Variants in IL11 observed in about 807,000 individuals in gnomAD.
The protein encoded by IL11 is interleukin-11.
Under a neutral mutation model 18.1 loss-of-function variants are expected in IL11, and 17 were observed. The ratio of observed to expected loss-of-function variants is 0.94; its 90% CI spans 0.64 to 1.41. The LOEUF (loss-of-function observed/expected upper bound fraction) is 1.41, where lower values mean the gene tolerates loss of function less well. Among genes scored for constraint, IL11 ranks in the 40% most tolerant of loss-of-function variants. The pLI is 0.00. For synonymous variants in IL11, 144 were observed against 134.1 expected, an observed-to-expected ratio of 1.07 and a Z score of -0.51; for missense variants, 309 against 262.8, an observed-to-expected ratio of 1.18 and a Z score of -1.22.
chr19:55,368,276 G>A lies in IL11; in HGVS notation c.363C>T (p.Thr121=), dbSNP rs771657833. The A allele has an allele frequency of 1.9e-6, 3 of 1,559,152 alleles. No homozygotes were observed. The South Asian group carries it at 3.5e-5, about 18-fold the overall frequency. The change falls in exon 4 of 5, where the codon ACC becomes ACT. Residue 121 remains threonine (T), a synonymous_variant. Transcript: ENST00000264563. ...LRRAGGSSLK[T]LEPELGTLQA... The stretch of plus-strand genomic sequence containing the variant: ...GCAGGGTGCCCAGCTCGGGCTCCAG[G>A]GTCTTCAGGGAAGAGCCACCTGCCC...
intron 4 of IL11, among the ~76,000 whole-genome samples, chr19:55,368,003 G>A (rs1163441896): frequency 1.3e-5 from 2 of 151,948 alleles, no homozygotes; most frequent in African/African-American, 2.4e-5. Context: ...GCAGGGTCAG[G>A]GTCTCAGAGC....
intron 1 of IL11, among the ~76,000 whole-genome samples, 167 bp downstream of exon 1, chr19:55,370,137 T>G (rs2123245284): frequency 6.6e-6 from 1 of 152,174 alleles, no homozygotes; most frequent in South Asian, 2.1e-4. Context: ...TGTCTCTCTC[T>G]GCCCATCTCC....
At position 55,369,637 on chromosome 19, in the gene IL11, C is replaced by T. The variant is rs946739846; in HGVS notation, c.7+667G>A. Reference sequence around the variant, plus strand: ...CTGGCGGCGGGGGGCGCGGGGGGCGCGGGGGGCGCGGGGGTCCGGAGCTCG... The same window carrying T: ...CTGGCGGCGGGGGGCGCGGGGGGCGTGGGGGGCGCGGGGGTCCGGAGCTCG... On this transcript the variant is annotated intron_variant, in intron 1 of 4. Coordinates refer to ENST00000264563, the MANE Select transcript of IL11 (RefSeq NM_000641.4). This position sits in a 1 kb window ranked among gnomAD's most constrained non-coding sequence, Gnocchi z 6.1. Among the ~76,000 whole-genome samples, 3 of 104,588 alleles carry T rather than the reference C, an allele frequency of 2.9e-5. No individual in the cohort carries two copies. Among genetic ancestry groups the T allele is most frequent in the East Asian group, 2.5e-4 (1 of 4,074 alleles). 68.6% of individuals were successfully genotyped at this position (104,588 alleles called of 152,430 possible). A position where few individuals can be genotyped will look rare whatever the true frequency, so the allele number is the denominator to read the frequency against.
In IL11 at chr19:55,366,998, C is replaced by T. The variant is rs985436928; in HGVS notation, c.430-821G>A. On this transcript the variant is annotated intron_variant, in intron 4 of 4. Coordinates refer to ENST00000264563, the MANE Select transcript of IL11 (RefSeq NM_000641.4). This position sits in a 1 kb window ranked among gnomAD's most constrained non-coding sequence, Gnocchi z 4.6. ...AGACAGTATCTGAGGTCTGTGGGCT[C>T]GAGTCTAGGGTCAGGCCCTGGATCT... Among the ~76,000 whole-genome samples, 3 of 151,916 alleles carry T rather than the reference C, an allele frequency of 2.0e-5. No homozygotes were observed. The highest frequency in any genetic ancestry group is 4.4e-5 in the Non-Finnish European group (3 of 68,002).
Position 55,370,203 on chromosome 19 carries a change from C to A in IL11, c.7+101G>T, listed in dbSNP as rs575666604. On this transcript the variant is annotated intron_variant, in intron 1 of 4. Coordinates refer to ENST00000264563, the MANE Select transcript of IL11 (RefSeq NM_000641.4). Reference sequence around the variant, plus strand: ...CCTCCCCGGCTGCCTGTCTCCGGGTCCCTCTCTGTGCGACTCAGCGGGGTC... The same window carrying A: ...CCTCCCCGGCTGCCTGTCTCCGGGTACCTCTCTGTGCGACTCAGCGGGGTC... The A allele has an allele frequency of 9.1e-6, 8 of 879,108 alleles. No homozygotes were observed. In the South Asian group the frequency reaches 1.1e-4, roughly 13 times the overall value. 54.5% of individuals were successfully genotyped at this position (879,108 alleles called of 1,614,324 possible). A position where few individuals can be genotyped will look rare whatever the true frequency, so the allele number is the denominator to read the frequency against.
chr19:55,369,217 G>C lies in IL11; in HGVS notation c.8-276C>G, dbSNP rs575605036. 9.2e-4 allele frequency: 273 copies of C among 296,086 alleles called. No individual in the cohort carries two copies. In the East Asian group the frequency reaches 0.015, roughly 16 times the overall value. The allele number at this position is 296,086 out of a possible 1,614,324, so 18.3% of individuals were successfully genotyped here. Reference sequence around the variant, plus strand: ...TTAAGTCCCAGGGTGGAACGCCCGCGGGCAGGTCGCAGGGCCAGGCGGGCT... The same window carrying C: ...TTAAGTCCCAGGGTGGAACGCCCGCCGGCAGGTCGCAGGGCCAGGCGGGCT... On this transcript the variant is annotated intron_variant, in intron 1 of 4. Transcript: ENST00000264563. This position sits in a 1 kb window ranked among gnomAD's most constrained non-coding sequence, Gnocchi z 6.1.
Position 55,368,939 on chromosome 19 carries a change from C to T in IL11, c.10G>A (p.Val4Ile), listed in dbSNP as rs568521538. The change falls in exon 2 of 5, where the codon GTT (valine) becomes ATT (isoleucine). Residue 4 changes from valine (V) to isoleucine (I), a missense_variant and splice_region_variant. Coordinates refer to ENST00000264563, the MANE Select transcript of IL11 (RefSeq NM_000641.4). ...AGCACGACCAGGACCAGGCGGCAAA[C>T]ACCTGGGGGCAGGATAAGGCAGAGA... MNC[V>I]CRLVLVVLSL... 1.0e-4 allele frequency: 157 copies of T among 1,505,504 alleles called. 1 individual carries two copies. The highest frequency in any genetic ancestry group is 5.3e-4 in the Middle Eastern group (3 of 5,708). 93.3% of individuals were successfully genotyped at this position (1,505,504 alleles called of 1,614,324 possible). A position where few individuals can be genotyped will look rare whatever the true frequency, so the allele number is the denominator to read the frequency against.
In IL11 at chr19:55,369,146, T is replaced by G. The variant is rs1238330033; in HGVS notation, c.8-205A>C. The stretch of plus-strand genomic sequence containing the variant: ...GACTCCTGGGTCTCGGGGAGGAGGG[T>G]CTGGGGCCTGGACTCCCGGCCTTAG... On this transcript the variant is annotated intron_variant, in intron 1 of 4. Coordinates refer to ENST00000264563, the MANE Select transcript of IL11 (RefSeq NM_000641.4). The surrounding 1 kb of genome is among the most constrained non-coding windows in gnomAD (Gnocchi z 6.1). 4 of 466,554 alleles carry G rather than the reference T, an allele frequency of 8.6e-6. No individual in the cohort carries two copies. The highest frequency in any genetic ancestry group is 3.8e-5 in the Admixed American group (1 of 26,286). The allele number at this position is 466,554 out of a possible 1,614,324, so 28.9% of individuals were successfully genotyped here.
Position 55,366,059 on chromosome 19 carries a change from A to G in IL11, c.548T>C (p.Leu183Pro), listed in dbSNP as rs756078236. Residue 183 changes from leucine (L) to proline (P), a missense_variant, in exon 5 of 5, where the codon CTG becomes CCG. Coordinates refer to ENST00000264563, the MANE Select transcript of IL11 (RefSeq NM_000641.4). This position sits in a 1 kb window ranked among gnomAD's most constrained non-coding sequence, Gnocchi z 4.6. ...TCCCCTCACGGCCCAGTCAAGTGTCAGGTGCAGCCCCCCCAGGATGGCGTG... is the reference window on the plus strand; with the variant it reads ...TCCCCTCACGGCCCAGTCAAGTGTCGGGTGCAGCCCCCCCAGGATGGCGTG... ...AAHAILGGLH[L>P]TLDWAVRGLL... 6.9e-6 allele frequency: 11 copies of G among 1,601,472 alleles called. No homozygotes were observed. The African/African-American group carries it at 1.3e-4, about 19-fold the overall frequency.
Position 55,368,860 on chromosome 19 carries a change from C to A in IL11, c.89G>T (p.Arg30Leu). The change falls in exon 2 of 5, where the codon CGA (arginine) becomes CTA (leucine). Residue 30 changes from arginine (R) to leucine (L), a missense_variant. Physicochemically the swap from Arg to Leu is moderately radical, Grantham distance 102. Coordinates refer to ENST00000264563, the MANE Select transcript of IL11 (RefSeq NM_000641.4). Reference sequence around the variant, plus strand: ...CTCGGCCCGAGGGTCTGGGGAAACTCGAGGGGGGCCAGGTGGTGGCCCAGG... The same window carrying A: ...CTCGGCCCGAGGGTCTGGGGAAACTAGAGGGGGGCCAGGTGGTGGCCCAGG... ...VAPGPPPGPP[R>L]VSPDPRAELD... The A allele has an allele frequency of 6.3e-7, 1 of 1,580,306 alleles. No individual in the cohort carries two copies. Among genetic ancestry groups the A allele is most frequent in the Non-Finnish European group, 8.6e-7 (1 of 1,163,208 alleles).
chr19:55,366,089 G>A lies in IL11; in HGVS notation c.518C>T (p.Ala173Val). ...PPSSAWGGIR[A>V]AHAILGGLHL... ...CAGCCCCCCCAGGATGGCGTGGGCG[G>A]CCCTGATGCCCCCCCAGGCTGAGGA... The change falls in exon 5 of 5, where the codon GCC becomes GTC. Residue 173 changes from alanine (A) to valine (V), a missense_variant. Physicochemically the swap from Ala to Val is moderately conservative, Grantham distance 64. Transcript: ENST00000264563. The surrounding 1 kb of genome is among the most constrained non-coding windows in gnomAD (Gnocchi z 4.6). The A allele has an allele frequency of 6.3e-7, 1 of 1,582,602 alleles. No individual in the cohort carries two copies. Among genetic ancestry groups the A allele is most frequent in the Non-Finnish European group, 8.6e-7 (1 of 1,165,706 alleles).
chr19:55,365,718 G>A lies in IL11; in HGVS notation c.*289C>T, dbSNP rs2089780733. 6.7e-6 allele frequency: 3 copies of A among 449,856 alleles called. No homozygotes were observed. Among genetic ancestry groups the A allele is most frequent in the Non-Finnish European group, 1.2e-5 (3 of 255,822 alleles). The allele number at this position is 449,856 out of a possible 1,614,324, so 27.9% of individuals were successfully genotyped here. On this transcript the variant is annotated 3_prime_UTR_variant, in exon 5 of 5. Transcript: ENST00000264563. ...ATGTTCCTGCCCAGGCCTAGATGGG[G>A]AAGAGCCAGGGCAGAAGTCTGTGGA...
In IL11 at chr19:55,369,429, G is replaced by C. The variant is rs2089807754; in HGVS notation, c.8-488C>G. Among the ~76,000 whole-genome samples the C allele has an allele frequency of 6.6e-6, 1 of 150,972 alleles. No homozygotes were observed. The highest frequency in any genetic ancestry group is 2.4e-5 in the African/African-American group (1 of 41,064). On this transcript the variant is annotated intron_variant, in intron 1 of 4. Coordinates refer to ENST00000264563, the MANE Select transcript of IL11 (RefSeq NM_000641.4). This position sits in a 1 kb window ranked among gnomAD's most constrained non-coding sequence, Gnocchi z 6.1. ...CGGGCCGCGGGAGCCCGAGCTGGCT[G>C]GGAGCAGGGGAAGGAGCCAGAAGCC... is the stretch of plus-strand genomic sequence containing the variant.
Position 55,369,624 on chromosome 19 carries a change from G to C in IL11, c.7+680C>G. 1.1e-5 allele frequency among the ~76,000 whole-genome samples: 1 copy of C among 88,210 alleles called. No individual in the cohort carries two copies. Among genetic ancestry groups the C allele is most frequent in the African/African-American group, 1.1e-4 (1 of 8,880 alleles). 57.9% of individuals were successfully genotyped at this position (88,210 alleles called of 152,430 possible). On this transcript the variant is annotated intron_variant, in intron 1 of 4. Coordinates refer to ENST00000264563, the MANE Select transcript of IL11 (RefSeq NM_000641.4). This position sits in a 1 kb window ranked among gnomAD's most constrained non-coding sequence, Gnocchi z 6.1. Reference sequence around the variant, plus strand: ...GGGAGCGGGAGAGCTGGCGGCGGGGGGCGCGGGGGGCGCGGGGGGCGCGGG... The same window carrying C: ...GGGAGCGGGAGAGCTGGCGGCGGGGCGCGCGGGGGGCGCGGGGGGCGCGGG...
rs141630906 is a variant in IL11, at chr19:55,368,545, C to A, written c.205G>T (p.Asp69Tyr). ...QLRDKFPADG[D>Y]HNLDSLPTLA... ...GTGGGCAGGGAATCCAGGTTGTGGTCCCCGTCAGCTGGGAATTTGTCCCTC... is the reference window on the plus strand; with the variant it reads ...GTGGGCAGGGAATCCAGGTTGTGGTACCCGTCAGCTGGGAATTTGTCCCTC... Residue 69 changes from aspartate to tyrosine, a missense_variant, in exon 3 of 5, where the codon GAC (aspartate) becomes TAC (tyrosine). Coordinates refer to ENST00000264563, the MANE Select transcript of IL11 (RefSeq NM_000641.4). 26 of 1,612,612 alleles carry A rather than the reference C, an allele frequency of 1.6e-5. No homozygotes were observed. The highest frequency in any genetic ancestry group is 2.0e-5 in the Non-Finnish European group (24 of 1,179,632).
At chr19:55,367,419 G>C (rs1401404512) in intron 4 of IL11, among the ~76,000 whole-genome samples, 1 of 151,280 alleles carries the variant, frequency 6.6e-6, no homozygotes, top group African/African-American at 2.4e-5. Context: ...TGGGGTCTCA[G>C]GGTCTGGAGG....
At position 55,368,779 on chromosome 19, in the gene IL11, G is replaced by T; in HGVS notation, c.170C>A (p.Ala57Asp). Residue 57 changes from alanine to aspartate, a missense_variant, in exon 2 of 5, where the codon GCT (alanine) becomes GAT (aspartate). Ala to Asp is a moderately radical substitution (Grantham distance 126, BLOSUM62 -2). Transcript: ENST00000264563. ...CCCAGTCTCTCCTACCAGCTGTGCAGCCAGCTGCCGCGTGTCCGCCAGGAG... is the reference window on the plus strand; with the variant it reads ...CCCAGTCTCTCCTACCAGCTGTGCATCCAGCTGCCGCGTGTCCGCCAGGAG... Reference protein sequence around the residue: ...RSLLADTRQLAAQLRDKFPAD... With the variant: ...RSLLADTRQLDAQLRDKFPAD... The T allele has an allele frequency of 6.3e-7, 1 of 1,583,014 alleles. No individual in the cohort carries two copies. The highest frequency in any genetic ancestry group is 2.3e-5 in the East Asian group (1 of 43,840).
In IL11 at chr19:55,365,412, A is replaced by G. The variant is rs959238894; in HGVS notation, c.*595T>C. On this transcript the variant is annotated 3_prime_UTR_variant, in exon 5 of 5. Coordinates refer to ENST00000264563, the MANE Select transcript of IL11 (RefSeq NM_000641.4). The stretch of plus-strand genomic sequence containing the variant: ...CAGGCAAGGCTCAGACCCTGCCTCC[A>G]CAGAGCTGTCTGGGTGACCGACCCA... 6.3e-6 allele frequency: 1 copy of G among 158,530 alleles called. No homozygotes were observed. Among genetic ancestry groups the G allele is most frequent in the Non-Finnish European group, 1.4e-5 (1 of 72,808 alleles). The allele number at this position is 158,530 out of a possible 1,614,324, so 9.8% of individuals were successfully genotyped here.
chr19:55,370,301 T>G lies in IL11; in HGVS notation c.7+3A>C. ...CCTCCACCCTCCCCATGAACCAACT[T>G]ACAGTTCATGTCCCCACAGGGCCAG... On this transcript the variant is annotated splice_donor_region_variant and intron_variant, in intron 1 of 4. Transcript: ENST00000264563. The G allele has an allele frequency of 6.7e-7, 1 of 1,485,848 alleles. No individual in the cohort carries two copies. 92.0% of individuals were successfully genotyped at this position (1,485,848 alleles called of 1,614,324 possible).
Sources: gnomAD v4.1 joint callset for allele counts (sites outside exome capture counted in the v4.1 genomes callset) on GRCh38, gnomAD v4.1.1 for gene constraint, Gnocchi (gnomAD v3.1) non-coding constraint, MANE v1.5 for transcripts, NCBI Gene and HGNC (gene_info 2026-07-23, HGNC 2026-07-21) for gene names.